SKP1: variants seen among roughly 807,000 people sequenced by gnomAD.
SKP1 encodes S-phase kinase associated protein 1, also known as S-phase kinase-associated protein 1.
Under a neutral mutation model 21.5 loss-of-function variants are expected in SKP1, and 1 was observed. The observed-to-expected ratio is 0.05, with a 90% confidence interval of 0.02 to 0.22. The LOEUF (loss-of-function observed/expected upper bound fraction) is 0.22. Ranked by LOEUF, SKP1 falls within the 10% of genes least tolerant of loss-of-function variation. The pLI, the probability that SKP1 is intolerant of heterozygous loss-of-function variation, is 1.00. For synonymous variants in SKP1, 59 were observed against 59.3 expected (o/e 0.99, Z 0.03); for missense variants, 70 against 192.0 (o/e 0.36, Z 3.76).
At chr5:134,167,390 G>A in intron 2 of SKP1, 147 bp from the exon 3 acceptor site, 2 of 615,332 alleles carry the variant, frequency 3.3e-6, no homozygotes, top group Non-Finnish European at 5.8e-6. Context: ...AAACATATTG[G>A]GAAAAAAAAT....
At chr5:134,159,683 G>A (rs937393554) in intron 4 of SKP1, among the ~76,000 whole-genome samples, 14 of 152,110 alleles carry the variant, frequency 9.2e-5, no homozygotes, top group Non-Finnish European at 2.9e-5. Context: ...GAGTAGCTGA[G>A]ACTACAGGTT....
chr5:134,166,229 C>T (rs1444401310), intron 3 of SKP1, among the ~76,000 whole-genome samples: 2 of 149,118 alleles, frequency 1.3e-5, no homozygotes, highest in Non-Finnish European at 2.9e-5. Flanking sequence ...AGACATATCA[C>T]CTTTCATTTT....
chr5:134,169,331 A>T (rs138437488), intron 2 of SKP1, among the ~76,000 whole-genome samples: 1 of 152,334 alleles, frequency 6.6e-6, no homozygotes, highest in East Asian at 1.9e-4. Context: ...CCTATCCCTG[A>T]TCCTATCTCA....
chr5:134,167,025 AAGT>A, intron 3 of SKP1, 142 bp downstream of exon 3: 1 of 595,976 alleles, frequency 1.7e-6, no homozygotes, highest in Non-Finnish European at 3.0e-6. Flanking sequence ...AACATCACTC[AAGT>A]AAGTGTTTAA....
rs76095593 is a variant in SKP1 at position 134,158,730 on chromosome 5, C to T, written c.316-135G>A. On this transcript the variant is annotated intron_variant, in intron 4 of 5. Transcript: ENST00000353411. ...AAATTAAAGGGAGAAGAATAAATCA[C>T]TCCTAAGTTCTTCTGTGAAAGACTT... 8.6e-5 allele frequency: 63 copies of T among 732,448 alleles called. No individual in the cohort carries two copies. In the East Asian group the frequency reaches 1.6e-3, roughly 18 times the overall value. 45.4% of individuals were successfully genotyped at this position (732,448 alleles called of 1,614,324 possible). A position where few individuals can be genotyped will look rare whatever the true frequency, so the allele number is the denominator to read the frequency against.
intron 3 of SKP1, 61 bp downstream of exon 3, chr5:134,167,109 G>C (rs1761347009): frequency 1.3e-6 from 1 of 798,336 alleles, no homozygotes; most frequent in African/African-American, 1.7e-5. Flanking sequence ...TGAATTACTT[G>C]TATTAATCAA....
chr5:134,174,345 G>T, intron 1 of SKP1: 1 of 267,302 alleles, frequency 3.7e-6, no homozygotes. Context: ...ACTGAATACT[G>T]GACTCCATCT....
intron 2 of SKP1, among the ~76,000 whole-genome samples, chr5:134,169,869 C>T (rs1006278897): frequency 3.9e-5 from 6 of 152,158 alleles, no homozygotes; most frequent in African/African-American, 7.2e-5. Flanking sequence ...GGTGTGGTGG[C>T]GCATGCCTGT....
chr5:134,175,974 C>G (rs534801366), intron 1 of SKP1, among the ~76,000 whole-genome samples: 1 of 152,076 alleles, frequency 6.6e-6, no homozygotes, highest in African/African-American at 2.4e-5. Flanking sequence ...GAAATTCTGA[C>G]ACTGCTTTTT....
intron 3 of SKP1, among the ~76,000 whole-genome samples, chr5:134,162,863 G>A (rs1422685383): frequency 2.0e-5 from 3 of 151,802 alleles, no homozygotes; most frequent in South Asian, 2.1e-4. Flanking sequence ...GCTTAAGGCC[G>A]GAAGTTCAAG....
In SKP1 at chr5:134,167,600, G is replaced by A. The variant is rs1388550092; in HGVS notation, c.98-357C>T. On this transcript the variant is annotated intron_variant, in intron 2 of 5. Coordinates refer to ENST00000353411, the MANE Select transcript of SKP1 (RefSeq NM_170679.3). ...TGTAGGGGCGCCATCTCGGCTCACT[G>A]CAAGCTCCGCCTCCCGGGTTCACAC... is the stretch of plus-strand genomic sequence containing the variant. Among the ~76,000 whole-genome samples the A allele has an allele frequency of 1.3e-5, 2 of 151,580 alleles. 1 individual carries two copies. The highest frequency in any genetic ancestry group is 3.9e-4 in the East Asian group (2 of 5,168).
At position 134,150,821 on chromosome 5, in the gene SKP1, C is replaced by T. The variant is rs940914993; in HGVS notation, c.*6912G>A. On this transcript the variant is annotated 3_prime_UTR_variant, in exon 6 of 6. Coordinates refer to ENST00000353411, the MANE Select transcript of SKP1 (RefSeq NM_170679.3). ...GCTCTTCTCTAATAGTTTGGAGCTACTAACAAACCATTACTGGCAGTGAGC... is the reference window on the plus strand; with the variant it reads ...GCTCTTCTCTAATAGTTTGGAGCTATTAACAAACCATTACTGGCAGTGAGC... 5 of 152,186 alleles carry T rather than the reference C, an allele frequency of 3.3e-5. No individual in the cohort carries two copies. The highest frequency in any genetic ancestry group is 5.9e-5 in the Non-Finnish European group (4 of 68,046). The allele number at this position is 152,186 out of a possible 1,614,324, so 9.4% of individuals were successfully genotyped here.
rs1761350678 is a variant in SKP1 at position 134,167,330 on chromosome 5, G to C, written c.98-87C>G. Reference sequence around the variant, plus strand: ...GCTATGTCTCAAAACATAAGAGTCAGCCCCCATATCCATGAGTTCTACATC... The same window carrying C: ...GCTATGTCTCAAAACATAAGAGTCACCCCCCATATCCATGAGTTCTACATC... On this transcript the variant is annotated intron_variant, in intron 2 of 5. Transcript: ENST00000353411. The C allele has an allele frequency of 1.5e-5, 13 of 843,420 alleles. No homozygotes were observed. The South Asian group carries it at 1.9e-4, about 12-fold the overall frequency. 52.2% of individuals were successfully genotyped at this position (843,420 alleles called of 1,614,324 possible). A position where few individuals can be genotyped will look rare whatever the true frequency, so the allele number is the denominator to read the frequency against.
At chr5:134,158,728 C>T in intron 4 of SKP1, 133 bp from the exon 5 acceptor site, 1 of 761,574 alleles carries the variant, frequency 1.3e-6, no homozygotes, top group Admixed American at 2.3e-5. Context: ...AAGAATAAAT[C>T]ACTCCTAAGT....
chr5:134,167,788 T>C (rs966237114), intron 2 of SKP1, among the ~76,000 whole-genome samples: 1 of 152,190 alleles, frequency 6.6e-6, no homozygotes, highest in Non-Finnish European at 1.5e-5. Flanking sequence ...CCTCCCAAAG[T>C]GCTGGGATTA....
At chr5:134,172,176 T>C (rs1761455331) in intron 2 of SKP1, among the ~76,000 whole-genome samples, 1 of 152,268 alleles carries the variant, frequency 6.6e-6, no homozygotes, top group Admixed American at 6.5e-5. Flanking sequence ...ATGCACTAAT[T>C]ACACCATGTG....
intron 5 of SKP1, chr5:134,158,035 C>G: frequency 1.4e-6 from 2 of 1,475,002 alleles, no homozygotes; most frequent in Non-Finnish European, 1.8e-6. Flanking sequence ...AATTCATTCA[C>G]ATTATTTCAG....
At chr5:134,159,204 CA>C (rs376173518) in intron 4 of SKP1, among the ~76,000 whole-genome samples, 2 of 152,154 alleles carry the variant, frequency 1.3e-5, no homozygotes, top group African/African-American at 4.8e-5. Flanking sequence ...ACCGATTTTT[CA>C]TGTGTTTTAC....
At chr5:134,173,355 G>A (rs887041042) in intron 2 of SKP1, 50 of 176,516 alleles carry the variant, frequency 2.8e-4, no homozygotes, top group African/African-American at 1.1e-3. Flanking sequence ...GCTGGATGTG[G>A]TGGCACGTGC....
Sources: gnomAD v4.1 joint callset for allele counts (sites outside exome capture counted in the v4.1 genomes callset) on GRCh38, gnomAD v4.1.1 for gene constraint, MANE v1.5 for transcripts, NCBI Gene and HGNC (gene_info 2026-07-23, HGNC 2026-07-21) for gene names.